CSMD1: variants seen among roughly 807,000 people sequenced by gnomAD.
CSMD1 encodes CUB and sushi domain-containing protein 1.
In CSMD1, 213 loss-of-function variants were observed where a neutral mutation model predicts 417.5. The ratio of observed to expected loss-of-function variants is 0.51; its 90% CI spans 0.46 to 0.57. The LOEUF (loss-of-function observed/expected upper bound fraction) is 0.57, where lower values mean the gene tolerates loss of function less well. Among genes scored for constraint, CSMD1 ranks in the 20% least tolerant of loss-of-function variants. The pLI is 0.00. For missense variants in CSMD1, 6,923 were observed against 4,529.7 expected (o/e 1.53, Z -15.17); for synonymous variants, 2,862 against 1,736.8 (o/e 1.65, Z -16.11).
intron 23 of CSMD1, among the ~76,000 whole-genome samples, chr8:3,342,679 C>G (rs538304452): frequency 3.2e-4 from 48 of 152,280 alleles, no homozygotes; most frequent in Middle Eastern, 3.4e-3. Flanking sequence ...TTTGTTCATA[C>G]AGATGATGGG....
At chr8:3,736,328 A>C (rs901941363) in intron 6 of CSMD1, among the ~76,000 whole-genome samples, 2 of 151,590 alleles carry the variant, frequency 1.3e-5, no homozygotes, top group Admixed American at 1.3e-4. Flanking sequence ...TGCAGCCTCC[A>C]CCTCCTGGGC....
intron 26 of CSMD1, among the ~76,000 whole-genome samples, chr8:3,243,587 GA>G (rs1051363588): frequency 1.3e-5 from 2 of 152,118 alleles, no homozygotes; most frequent in Admixed American, 1.3e-4. Flanking sequence ...GTTAAGGCAG[GA>G]ACAGGCCATT....
intron 1 of CSMD1, among the ~76,000 whole-genome samples, chr8:4,885,588 G>A (rs1306250874): frequency 6.6e-6 from 1 of 151,874 alleles, no homozygotes; most frequent in African/African-American, 2.4e-5. Context: ...AGATGATTAG[G>A]TGGCTTTTGT....
At chr8:3,973,014 C>T (rs1232268044) in intron 5 of CSMD1, among the ~76,000 whole-genome samples, 1 of 152,176 alleles carries the variant, frequency 6.6e-6, no homozygotes, top group African/African-American at 2.4e-5. Context: ...ATTTATTTTT[C>T]TCTTCTAACA....
intron 2 of CSMD1, among the ~76,000 whole-genome samples, chr8:4,561,147 G>A (rs1434505417): frequency 2.6e-5 from 4 of 152,156 alleles, no homozygotes; most frequent in Admixed American, 2.6e-4. Context: ...CAAGGCAGGT[G>A]GATCATGAGG....
chr8:3,751,282 C>T (rs1797323345), intron 6 of CSMD1, among the ~76,000 whole-genome samples: 1 of 143,178 alleles, frequency 7.0e-6, no homozygotes, highest in Non-Finnish European at 1.5e-5. Context: ...CTCCTCTCTC[C>T]TTATATATAC....
intron 36 of CSMD1, among the ~76,000 whole-genome samples, chr8:3,185,717 G>A (rs1396882586): frequency 3.3e-5 from 5 of 152,160 alleles, no homozygotes; most frequent in East Asian, 3.8e-4. Context: ...CAGACAAAAC[G>A]TGGCAAGACA....
chr8:4,768,062 G>A (rs986386723), intron 1 of CSMD1, among the ~76,000 whole-genome samples: 1 of 152,084 alleles, frequency 6.6e-6, no homozygotes, highest in Non-Finnish European at 1.5e-5. Context: ...AATGTCTTCA[G>A]CCCCTTGCAT....
chr8:3,394,735 T>A (rs1811581915), intron 17 of CSMD1, among the ~76,000 whole-genome samples: 1 of 152,152 alleles, frequency 6.6e-6, no homozygotes, highest in Non-Finnish European at 1.5e-5. Context: ...CAAAGAGAAG[T>A]GACAACTCGA....
chr8:4,607,985 T>G (rs781160422), intron 2 of CSMD1, among the ~76,000 whole-genome samples: 57 of 152,246 alleles, frequency 3.7e-4, no homozygotes, highest in Non-Finnish European at 7.5e-4. Context: ...TGTTATTATA[T>G]ACAGTGGTCA....
At position 4,277,985 on chromosome 8, in the gene CSMD1, TGATTCGCCGCC is replaced by T. The variant is rs1384827463; in HGVS notation, c.415+141957_415+141967del. Among the ~76,000 whole-genome samples, 10 of 152,188 alleles carry T rather than the reference TGATTCGCCGCC, an allele frequency of 6.6e-5. No individual in the cohort carries two copies. In the East Asian group the frequency reaches 1.9e-3, roughly 29 times the overall value. On this transcript the variant is annotated intron_variant, in intron 3 of 69. Transcript: ENST00000635120. ...GGCTGGTCTTGAACTCCTAACCTCGTGATTCGCCGCCTTGCCCTCCCAAAGTGCTGGGATTA... is the reference window on the plus strand; with the variant it reads ...GGCTGGTCTTGAACTCCTAACCTCGTTTGCCCTCCCAAAGTGCTGGGATTA...
chr8:4,050,516 C>T (rs529645493), intron 3 of CSMD1, among the ~76,000 whole-genome samples: 2 of 152,054 alleles, frequency 1.3e-5, no homozygotes, highest in South Asian at 2.1e-4. Flanking sequence ...TATGTATCAT[C>T]CTGGAGGGGT....
chr8:4,713,725 C>G (rs1808461839), intron 1 of CSMD1, among the ~76,000 whole-genome samples: 1 of 152,200 alleles, frequency 6.6e-6, no homozygotes, highest in South Asian at 2.1e-4. Flanking sequence ...CCCCAAACCC[C>G]AAACCTGGCC....
chr8:3,330,744 A>G (rs1038711023), intron 23 of CSMD1, among the ~76,000 whole-genome samples: 5 of 152,174 alleles, frequency 3.3e-5, no homozygotes, highest in African/African-American at 1.2e-4. Flanking sequence ...CCCAAACCTA[A>G]AACAAAAGTT....
At chr8:3,629,707 G>C (rs941649709) in intron 7 of CSMD1, among the ~76,000 whole-genome samples, 1 of 147,472 alleles carries the variant, frequency 6.8e-6, no homozygotes, top group Non-Finnish European at 1.5e-5. Flanking sequence ...CCACATGATC[G>C]GCACAGAAAG....
intron 3 of CSMD1, among the ~76,000 whole-genome samples, chr8:4,116,147 C>G (rs1030282668): frequency 6.6e-6 from 1 of 152,002 alleles, no homozygotes; most frequent in Non-Finnish European, 1.5e-5. Flanking sequence ...GCGCGTACCA[C>G]CGCACCCAGC....
chr8:3,299,406 C>T (rs552742949), intron 25 of CSMD1, among the ~76,000 whole-genome samples: 1 of 152,082 alleles, frequency 6.6e-6, no homozygotes, highest in South Asian at 2.1e-4. Flanking sequence ...GAGCCAAGAT[C>T]ACGCTATTGC....
At chr8:4,294,923 G>C (rs1797576831) in intron 3 of CSMD1, among the ~76,000 whole-genome samples, 2 of 151,194 alleles carry the variant, frequency 1.3e-5, no homozygotes, top group African/African-American at 2.4e-5. Context: ...GTAACCATGT[G>C]GTCCTATTCT....
intron 4 of CSMD1, among the ~76,000 whole-genome samples, chr8:4,021,651 C>T (rs1404195665): frequency 6.6e-6 from 1 of 152,208 alleles, no homozygotes. Flanking sequence ...CTCTCCCCAT[C>T]CCTTTTCTCT....
Sources: allele counts gnomAD v4.1 joint callset (sites outside exome capture counted in the v4.1 genomes callset), GRCh38; gene constraint gnomAD v4.1.1; transcripts MANE v1.5; gene names NCBI Gene and HGNC (gene_info 2026-07-23, HGNC 2026-07-21).